RBFOX1: variants seen among roughly 807,000 people sequenced by gnomAD.
RBFOX1 encodes the protein RNA binding protein fox-1 homolog 1.
Under a neutral mutation model 57.7 loss-of-function variants are expected in RBFOX1, and 8 were observed. The observed-to-expected ratio is 0.14, with a 90% confidence interval of 0.08 to 0.25. The LOEUF (loss-of-function observed/expected upper bound fraction) is 0.25. Ranked by LOEUF, RBFOX1 falls within the 10% of genes least tolerant of loss-of-function variation. RBFOX1 has a pLI of 1.00. For missense variants in RBFOX1, 611 were observed against 548.5 expected, an observed-to-expected ratio of 1.11 and a Z score of -1.14; for synonymous variants, 326 against 222.4, an observed-to-expected ratio of 1.47 and a Z score of -4.15.
At chr16:6,769,255 C>T (rs1392497002) in intron 3 of RBFOX1, among the ~76,000 whole-genome samples, 6 of 152,266 alleles carry the variant, frequency 3.9e-5, no homozygotes, top group African/African-American at 7.2e-5. Context: ...CTGCTGCCAT[C>T]GATGTAAGAT....
intron 4 of RBFOX1, among the ~76,000 whole-genome samples, chr16:7,415,606 A>G (rs918581395): frequency 6.6e-6 from 1 of 152,130 alleles, no homozygotes; most frequent in Admixed American, 6.5e-5. Flanking sequence ...TATACGTAAT[A>G]TTATTAAGAA....
intron 3 of RBFOX1, among the ~76,000 whole-genome samples, chr16:6,909,710 G>C (rs1177894980): frequency 6.6e-6 from 1 of 152,196 alleles, no homozygotes; most frequent in Non-Finnish European, 1.5e-5. Flanking sequence ...TGCATGCTAA[G>C]TCGTGGCAGT....
At chr16:6,658,191 A>G (rs888039041) in intron 3 of RBFOX1, among the ~76,000 whole-genome samples, 65 of 151,840 alleles carry the variant, frequency 4.3e-4, no homozygotes, top group African/African-American at 1.5e-3. Flanking sequence ...CTTAGACCAC[A>G]TATCATGATA....
intron 3 of RBFOX1, among the ~76,000 whole-genome samples, chr16:6,909,908 G>A (rs1423767978): frequency 1.3e-5 from 2 of 151,946 alleles, no homozygotes; most frequent in African/African-American, 4.8e-5. Flanking sequence ...AATTCTGTTC[G>A]GGCAGGATTT....
At chr16:7,708,733 T>C (rs780412970) in intron 14 of RBFOX1, among the ~76,000 whole-genome samples, 1 of 152,218 alleles carries the variant, frequency 6.6e-6, no homozygotes, top group Non-Finnish European at 1.5e-5. Context: ...AGTTGTTTCT[T>C]TCTTACCTAC....
At chr16:5,565,631 A>C (rs200073058) in intron 2 of RBFOX1, among the ~76,000 whole-genome samples, 103 of 56,214 alleles carry the variant, frequency 1.8e-3, no homozygotes, top group East Asian at 3.1e-3. Flanking sequence ...GCCTTACATA[A>C]ATAAATAAAT....
At chr16:7,181,160 G>A (rs768975982) in intron 4 of RBFOX1, among the ~76,000 whole-genome samples, 7 of 152,128 alleles carry the variant, frequency 4.6e-5, no homozygotes, top group African/African-American at 1.2e-4. Flanking sequence ...CCAGGTGGAC[G>A]GCCTTGTGGT....
chr16:5,275,590 T>C (rs937516392), intron 1 of RBFOX1, among the ~76,000 whole-genome samples: 2 of 152,184 alleles, frequency 1.3e-5, no homozygotes, highest in Non-Finnish European at 2.9e-5. Context: ...AGACTCACTA[T>C]TGTGAAAATG....
At chr16:7,638,987 G>A (rs754138996) in intron 11 of RBFOX1, among the ~76,000 whole-genome samples, 9 of 149,532 alleles carry the variant, frequency 6.0e-5, no homozygotes, top group East Asian at 1.9e-4. Flanking sequence ...TTTAAATGAC[G>A]TGAAGTAGTA....
At chr16:6,034,449 A>T (rs1051286585) in intron 1 of RBFOX1, among the ~76,000 whole-genome samples, 1 of 151,658 alleles carries the variant, frequency 6.6e-6, no homozygotes, top group Non-Finnish European at 1.5e-5. Flanking sequence ...GGCAAGTTCA[A>T]TGTCTAGTGA....
At position 5,503,455 on chromosome 16, in the gene RBFOX1, G is replaced by A. The variant is rs2043270242; in HGVS notation, c.258+36201G>A. On this transcript the variant is annotated intron_variant, in intron 2 of 2. Coordinates refer to the RBFOX1 transcript ENST00000585867. Reference sequence around the variant, plus strand: ...TTTCTTTGTTTTGTTTTTGTTTTTTGAGACGGAGTCTTGCTCTGTCGCCCA... The same window carrying A: ...TTTCTTTGTTTTGTTTTTGTTTTTTAAGACGGAGTCTTGCTCTGTCGCCCA... Among the ~76,000 whole-genome samples the A allele has an allele frequency of 2.0e-5, 3 of 152,110 alleles. No individual in the cohort carries two copies. The South Asian group carries it at 6.2e-4, about 32-fold the overall frequency.
At chr16:7,670,638 G>T (rs567090636) in intron 13 of RBFOX1, among the ~76,000 whole-genome samples, 1 of 152,140 alleles carries the variant, frequency 6.6e-6, no homozygotes, top group Non-Finnish European at 1.5e-5. Context: ...AATGTTATCA[G>T]GCATCGCTCC....
chr16:7,026,422 C>T (rs1326254701), intron 3 of RBFOX1, among the ~76,000 whole-genome samples: 1 of 152,216 alleles, frequency 6.6e-6, no homozygotes, highest in African/African-American at 2.4e-5. Flanking sequence ...TTGAGGGCAG[C>T]ACTTACATTT....
chr16:7,649,612 G>A (rs1272473619), intron 11 of RBFOX1, among the ~76,000 whole-genome samples: 1 of 152,134 alleles, frequency 6.6e-6, no homozygotes, highest in African/African-American at 2.4e-5. Context: ...CAGTGTTATA[G>A]AAGGTGGACA....
intron 1 of RBFOX1, among the ~76,000 whole-genome samples, chr16:5,330,870 G>T (rs2064735635): frequency 6.6e-6 from 1 of 152,118 alleles, no homozygotes; most frequent in African/African-American, 2.4e-5. Flanking sequence ...CATTGCCTGT[G>T]TACTCAAGCC....
In RBFOX1 at chr16:7,443,052, G is replaced by A. The variant is rs76118154; in HGVS notation, c.28-75095G>A. 4.0e-3 allele frequency among the ~76,000 whole-genome samples: 613 copies of A among 152,188 alleles called. 7 individuals carry two copies. Among genetic ancestry groups the A allele is most frequent in the African/African-American group, 0.014 (578 of 41,514 alleles). On this transcript the variant is annotated intron_variant, in intron 4 of 15. Transcript: ENST00000550418. ...CTTTTTACTTTGGGCAGCCCCATTC[G>A]TATCAAAACCACAAACCTTACCCTT...
At chr16:6,308,020 A>C in intron 1 of RBFOX1, among the ~76,000 whole-genome samples, 1 of 150,168 alleles carries the variant, frequency 6.7e-6, no homozygotes, top group Non-Finnish European at 1.5e-5. Context: ...TTTATAAATG[A>C]TATTTATGTT....
intron 2 of RBFOX1, among the ~76,000 whole-genome samples, chr16:6,331,596 GTATATATATGTGTA>G (rs1340252516): frequency 1.0e-5 from 1 of 97,756 alleles, no homozygotes; most frequent in Non-Finnish European, 2.1e-5. Flanking sequence ...ATATGTGTGT[GTATATATATGTGTA>G]TATATATATA....
chr16:5,271,413 G>C (rs2063003645), intron 1 of RBFOX1, among the ~76,000 whole-genome samples: 1 of 152,230 alleles, frequency 6.6e-6, no homozygotes, highest in African/African-American at 2.4e-5. Context: ...TACCTCCGGT[G>C]ATTCCGACTC....
Sources: gnomAD v4.1 joint callset for allele counts (sites outside exome capture counted in the v4.1 genomes callset) on GRCh38, gnomAD v4.1.1 for gene constraint, MANE v1.5 for transcripts, NCBI Gene and HGNC (gene_info 2026-07-23, HGNC 2026-07-21) for gene names.